The following RFC2 variants were observed in gnomAD, a reference collection of about 807,000 sequenced individuals.
RFC2 encodes replication factor C subunit 2, also known as A1 40 kDa subunit.
RFC2 carries 34 observed loss-of-function variants against 44.8 expected under a neutral mutation model. The observed-to-expected ratio is 0.76, with a 90% CI of 0.58 to 1.01. The LOEUF is 1.01. Ranked by LOEUF, RFC2 falls within the 50% of genes least tolerant of loss-of-function variation. RFC2 has a pLI of 0.00. For synonymous variants in RFC2, 177 were observed against 168.9 expected (o/e 1.05, Z -0.37); for missense variants, 400 against 453.6 (o/e 0.88, Z 1.07).
At chr7:74,234,485 T>G (rs535723607) in intron 10 of RFC2, among the ~76,000 whole-genome samples, 1 of 152,066 alleles carries the variant, frequency 6.6e-6, no homozygotes, top group Admixed American at 6.6e-5. Context: ...AATCAGTCAA[T>G]ACACAAGAGA....
chr7:74,233,337 A>T (rs1442967411), intron 10 of RFC2, among the ~76,000 whole-genome samples: 1 of 152,192 alleles, frequency 6.6e-6, no homozygotes, highest in African/African-American at 2.4e-5. Context: ...ACACGGGGAC[A>T]CCCCGTCTCC....
chr7:74,249,626 G>T, intron 3 of RFC2, 113 bp downstream of exon 3: 1 of 848,540 alleles, frequency 1.2e-6, no homozygotes, highest in Non-Finnish European at 2.0e-6. Context: ...TCCCTTTGCC[G>T]GGGGAATGGG....
chr7:74,237,758 A>T (rs915032451), intron 8 of RFC2, among the ~76,000 whole-genome samples: 7 of 152,178 alleles, frequency 4.6e-5, no homozygotes, highest in African/African-American at 1.7e-4. Context: ...TTGGGGGGTC[A>T]GTTGCCCAGA....
intron 8 of RFC2, 32 bp from the exon 9 acceptor site, chr7:74,237,474 G>C (rs782519701): frequency 1.4e-6 from 2 of 1,463,480 alleles, no homozygotes; most frequent in Middle Eastern, 1.8e-4. Flanking sequence ...GCGGTCAGGG[G>C]CTAGAAGGGA....
chr7:74,249,685 G>C, intron 3 of RFC2, 54 bp downstream of exon 3: 2 of 1,446,412 alleles, frequency 1.4e-6, no homozygotes, highest in Non-Finnish European at 1.9e-6. Flanking sequence ...GCAGTTCAGC[G>C]GACAGTGGGA....
Position 74,252,498 on chromosome 7 carries a change from C to T in RFC2, c.114G>A (p.Trp38Ter). Residue 38 changes from tryptophan (W) to a stop codon, truncating the protein, a stop_gained and splice_region_variant, in exon 2 of 11, where the codon TGG (tryptophan) becomes TGA (stop). Transcript: ENST00000055077. LOFTEE classifies it high-confidence loss of function. ...PGSAGHYELPWVEKYRPVKLN... is the reference protein window; with the variant it reads ...PGSAGHYELP ...GCTTTACTGGCCTATATTTTTCAAC[C>T]CTGTTAAGAAAATGCATAAAAATGC... 6.3e-7 allele frequency: 1 copy of T among 1,587,632 alleles called. No individual in the cohort carries two copies. The highest frequency in any genetic ancestry group is 2.2e-5 in the East Asian group (1 of 44,736).
At chr7:74,240,791 A>C (rs1554719189) in intron 6 of RFC2, among the ~76,000 whole-genome samples, 1 of 152,048 alleles carries the variant, frequency 6.6e-6, no homozygotes, top group African/African-American at 2.4e-5. Context: ...GGGCCAACCC[A>C]GTTTCTTTCT....
At chr7:74,237,330 T>C in intron 9 of RFC2, 32 bp downstream of exon 9, 1 of 1,531,058 alleles carries the variant, frequency 6.5e-7, no homozygotes, top group Non-Finnish European at 9.0e-7. Context: ...AGTGAGCGGT[T>C]CCTCTGCCAG....
intron 5 of RFC2, 130 bp downstream of exon 5, chr7:74,246,532 C>T (rs1007639166): frequency 1.0e-4 from 56 of 551,652 alleles, no homozygotes; most frequent in Non-Finnish European, 3.6e-5. Flanking sequence ...AAGGTGCAGG[C>T]CCCTATTAAA....
Position 74,239,925 on chromosome 7 carries a change from G to T in RFC2, c.693+13C>A. The T allele has an allele frequency of 6.3e-7, 1 of 1,587,212 alleles. No homozygotes were observed. Among genetic ancestry groups the T allele is most frequent in the East Asian group, 2.3e-5 (1 of 43,580 alleles). ...ACAGGATGCCCACGCCTGAATGGTA[G>T]CAGCCCACATACCTGCCTCATGTCT... On this transcript the variant is annotated intron_variant, in intron 7 of 10. Coordinates refer to ENST00000055077, the MANE Select transcript of RFC2 (RefSeq NM_181471.3).
chr7:74,253,936 T>A (rs1480088912), intron 1 of RFC2, among the ~76,000 whole-genome samples: 3 of 152,164 alleles, frequency 2.0e-5, no homozygotes, highest in African/African-American at 4.8e-5. Flanking sequence ...ATATTTTTTT[T>A]AAAAGATTGA....
chr7:74,233,875 G>T (rs782327850), intron 10 of RFC2: 8 of 456,434 alleles, frequency 1.8e-5, no homozygotes, highest in South Asian at 7.7e-5. Context: ...CAGCCACTTC[G>T]GAAAACCGTT....
chr7:74,248,402 G>A (rs1317584379), intron 4 of RFC2, among the ~76,000 whole-genome samples: 1 of 151,916 alleles, frequency 6.6e-6, no homozygotes, highest in African/African-American at 2.4e-5. Flanking sequence ...GGCCAAGGCA[G>A]GAGGATTGCT....
At chr7:74,251,667 G>A (rs1258158648) in intron 2 of RFC2, among the ~76,000 whole-genome samples, 5 of 151,048 alleles carry the variant, frequency 3.3e-5, no homozygotes, top group African/African-American at 9.7e-5. Flanking sequence ...GCGTGGTGGC[G>A]TGTGCCTGTA....
chr7:74,246,054 G>A (rs1803584373), intron 5 of RFC2, among the ~76,000 whole-genome samples: 1 of 151,910 alleles, frequency 6.6e-6, no homozygotes, highest in South Asian at 2.1e-4. Flanking sequence ...AAATCAGCTG[G>A]GCGTGGTGGT....
chr7:74,245,281 A>C (rs894580285), intron 5 of RFC2, among the ~76,000 whole-genome samples: 1 of 151,070 alleles, frequency 6.6e-6, no homozygotes, highest in South Asian at 2.2e-4. Flanking sequence ...CGGCCTCCCA[A>C]AGTGCTGGGA....
At chr7:74,246,923 T>C (rs898853681) in intron 4 of RFC2, among the ~76,000 whole-genome samples, 160 bp from the exon 5 acceptor site, 16 of 152,084 alleles carry the variant, frequency 1.1e-4, no homozygotes, top group Non-Finnish European at 2.2e-4. Context: ...ATTGAGATTT[T>C]ATGGCATTTG....
At position 74,237,438 on chromosome 7, in the gene RFC2, C is replaced by T. The variant is rs1159441805; in HGVS notation, c.764G>A (p.Cys255Tyr). Residue 255 changes from cysteine to tyrosine, a missense_variant, in exon 9 of 11, where the codon TGT becomes TAT. By Grantham distance (194) the Cys-to-Tyr change is radical. Coordinates refer to ENST00000055077, the MANE Select transcript of RFC2 (RefSeq NM_181471.3). Reference sequence around the variant, plus strand: ...TACCAGCAGTGGGTGGGGCTCGTCACAGACCTGGCCAAAGGGAAAGGAAAG... The same window carrying T: ...TACCAGCAGTGGGTGGGGCTCGTCATAGACCTGGCCAAAGGGAAAGGAAAG... ...FINSENVFKV[C>Y]DEPHPLLVKE... The T allele has an allele frequency of 6.3e-7, 1 of 1,581,668 alleles. No homozygotes were observed. The highest frequency in any genetic ancestry group is 1.3e-5 in the African/African-American group (1 of 74,604).
At position 74,246,754 on chromosome 7, in the gene RFC2, G is replaced by A. The variant is rs979189498; in HGVS notation, c.342C>T (p.Asp114=). The part of the protein sequence containing the change: ...ELNASNDRGI[D]VVRNKIKMFA... ...ACATTTTAATTTTATTCCTCACAAC[G>A]TCAATGCCCCTGAAAGAATGACAGG... Residue 114 remains aspartate, a synonymous_variant, in exon 5 of 11, where the codon GAC becomes GAT. Coordinates refer to ENST00000055077, the MANE Select transcript of RFC2 (RefSeq NM_181471.3). 8 of 1,608,522 alleles carry A rather than the reference G, an allele frequency of 5.0e-6. No homozygotes were observed. The highest frequency in any genetic ancestry group is 2.2e-5 in the East Asian group (1 of 44,728).
Sources: allele counts gnomAD v4.1 joint callset (sites outside exome capture counted in the v4.1 genomes callset), GRCh38; gene constraint gnomAD v4.1.1; transcripts MANE v1.5; gene names NCBI Gene and HGNC (gene_info 2026-07-23, HGNC 2026-07-21).